Variants in DNAI1 observed in about 807,000 individuals in gnomAD.
DNAI1 encodes dynein axonemal intermediate chain 1.
In DNAI1, 67 loss-of-function variants were observed where a neutral mutation model predicts 92.0. The ratio of observed to expected loss-of-function variants is 0.73; its 90% CI spans 0.60 to 0.89. The LOEUF (loss-of-function observed/expected upper bound fraction) is 0.89, where lower values mean the gene tolerates loss of function less well. Ranked by LOEUF, DNAI1 falls within the 40% of genes least tolerant of loss-of-function variation. The pLI is 0.00. For missense variants in DNAI1, 839 were observed against 866.6 expected, an observed-to-expected ratio of 0.97 and a Z score of 0.40; for synonymous variants, 323 against 319.6, an observed-to-expected ratio of 1.01 and a Z score of -0.11.
At position 34,520,689 on chromosome 9, in the gene DNAI1, C is replaced by T. The variant is rs759171136; in HGVS notation, c.2033C>T (p.Pro678Leu). 17 of 1,551,502 alleles carry T rather than the reference C, an allele frequency of 1.1e-5. No individual in the cohort carries two copies. In the African/African-American group the frequency reaches 1.6e-4, roughly 15 times the overall value. The change falls in exon 20 of 20, where the codon CCA becomes CTA. Residue 678 changes from proline to leucine, a missense_variant. Transcript: ENST00000242317. Reference protein sequence around the residue: ...EKKGQEVQKGPAVEIAKLDKL... With the variant: ...EKKGQEVQKGLAVEIAKLDKL... ...AAGGGGCAGGAGGTGCAGAAGGGTCCAGCTGTGGAGATTGCGAAACTGGAC... is the reference window on the plus strand; with the variant it reads ...AAGGGGCAGGAGGTGCAGAAGGGTCTAGCTGTGGAGATTGCGAAACTGGAC...
At chr9:34,468,883 T>TA (rs1588088622) in intron 1 of DNAI1, among the ~76,000 whole-genome samples, 1 of 151,574 alleles carries the variant, frequency 6.6e-6, no homozygotes, top group Non-Finnish European at 1.5e-5. Flanking sequence ...GAGGCTCCAC[T>TA]AAAAAATAAT....
chr9:34,474,868 G>A (rs1247121817), intron 1 of DNAI1, among the ~76,000 whole-genome samples: 1 of 152,034 alleles, frequency 6.6e-6, no homozygotes, highest in Non-Finnish European at 1.5e-5. Flanking sequence ...TGTCCGGCAA[G>A]GTGTGAATAT....
In DNAI1 at chr9:34,506,755, C is replaced by T; in HGVS notation, c.1192C>T (p.Leu398=). 6.2e-7 allele frequency: 1 copy of T among 1,614,194 alleles called. No individual in the cohort carries two copies. Among genetic ancestry groups the T allele is most frequent in the South Asian group, 1.1e-5 (1 of 91,090 alleles). The part of the protein sequence containing the change: ...CLDIHVDHPY[L]VAVGHYDGNV... ...CGACATCCACGTGGACCACCCCTAC[C>T]TGGTGGCAGTAGGCCACTATGACGG... The change falls in exon 13 of 20, where the codon CTG becomes TTG. Residue 398 remains leucine (L), a synonymous_variant. Transcript: ENST00000242317.
At chr9:34,469,880 C>T (rs1354370234) in intron 1 of DNAI1, among the ~76,000 whole-genome samples, 1 of 152,114 alleles carries the variant, frequency 6.6e-6, no homozygotes, top group Non-Finnish European at 1.5e-5. Context: ...GCGCCCAGCC[C>T]TTCTATTAAT....
intron 10 of DNAI1, 80 bp from the exon 11 acceptor site, chr9:34,500,642 A>C: frequency 1.1e-6 from 1 of 898,490 alleles, no homozygotes; most frequent in African/African-American, 1.6e-5. Context: ...TTGCCCAAGG[A>C]GGTACAGACA....
Position 34,514,720 on chromosome 9 carries a change from C to T in DNAI1, c.1799C>T (p.Ala600Val), listed in dbSNP as rs748529005. 6.2e-7 allele frequency: 1 copy of T among 1,614,096 alleles called. No individual in the cohort carries two copies. ...WAPYSSTVFAAVTTDGKAHIF... is the reference protein window; with the variant it reads ...WAPYSSTVFAVVTTDGKAHIF... ...CCATACTCTTCTACTGTGTTCGCAG[C>T]AGTCACCACAGATGGGAAGGTGAGT... Residue 600 changes from alanine to valine, a missense_variant, in exon 18 of 20, where the codon GCA (alanine) becomes GTA (valine). Ala to Val is a moderately conservative substitution (Grantham distance 64). Coordinates refer to ENST00000242317, the MANE Select transcript of DNAI1 (RefSeq NM_012144.4).
At chr9:34,514,087 C>T (rs1825124271) in intron 16 of DNAI1, among the ~76,000 whole-genome samples, 1 of 152,172 alleles carries the variant, frequency 6.6e-6, no homozygotes, top group Non-Finnish European at 1.5e-5. Context: ...CCTGCTCTGC[C>T]CTCTCTTAAG....
At chr9:34,504,719 T>C (rs117610437) in intron 12 of DNAI1, among the ~76,000 whole-genome samples, 7,564 of 152,348 alleles carry the variant, frequency 0.05, 274 homozygotes, top group Non-Finnish European at 0.065. Flanking sequence ...CTGGAGAGGC[T>C]GAGCCCAGCT....
intron 1 of DNAI1, among the ~76,000 whole-genome samples, chr9:34,462,818 G>C (rs1014445384): frequency 1.3e-5 from 2 of 152,166 alleles, no homozygotes; most frequent in Non-Finnish European, 2.9e-5. Context: ...ATATTGATGT[G>C]TAAATATTCA....
intron 13 of DNAI1, among the ~76,000 whole-genome samples, chr9:34,509,894 C>T (rs368927638): frequency 2.3e-5 from 3 of 132,152 alleles, no homozygotes; most frequent in South Asian, 2.5e-4. Flanking sequence ...AGCGAGACTC[C>T]GTCTCAAAAA....
chr9:34,499,792 G>A (rs1210690006), intron 10 of DNAI1, among the ~76,000 whole-genome samples: 1 of 152,182 alleles, frequency 6.6e-6, no homozygotes, highest in Non-Finnish European at 1.5e-5. Context: ...ATATGGAGGG[G>A]ACACGGACAG....
At position 34,459,009 on chromosome 9, in the gene DNAI1, A is replaced by G. The variant is rs1823881360; in HGVS notation, c.4A>G (p.Ile2Val). The G allele has an allele frequency of 6.2e-7, 1 of 1,614,040 alleles. No individual in the cohort carries two copies. The highest frequency in any genetic ancestry group is 1.1e-5 in the South Asian group (1 of 91,086). ...TGTAGGCTCTCCAGGGGTTGAGATG[A>G]TTCCTGCTTCTGCGAAGGCTCCCCA... is the stretch of plus-strand genomic sequence containing the variant. M[I>V]PASAKAPHKQ... Residue 2 changes from isoleucine (I) to valine (V), a missense_variant, in exon 1 of 20, where the codon ATT (isoleucine) becomes GTT (valine). By Grantham distance (29) the Ile-to-Val change is conservative (BLOSUM62 3). Coordinates refer to ENST00000242317, the MANE Select transcript of DNAI1 (RefSeq NM_012144.4).
chr9:34,502,134 C>T (rs550282473), intron 12 of DNAI1, among the ~76,000 whole-genome samples: 3 of 152,312 alleles, frequency 2.0e-5, no homozygotes, highest in Admixed American at 2.0e-4. Context: ...CCTCAGACTG[C>T]CTGTCCACCC....
chr9:34,494,371 A>G (rs1055718603), intron 9 of DNAI1, among the ~76,000 whole-genome samples: 1 of 152,160 alleles, frequency 6.6e-6, no homozygotes, highest in Non-Finnish European at 1.5e-5. Flanking sequence ...GTCACTGACC[A>G]AGTACCTAGT....
chr9:34,500,498 A>G (rs956031542), intron 10 of DNAI1, among the ~76,000 whole-genome samples: 6 of 152,200 alleles, frequency 3.9e-5, no homozygotes, highest in Non-Finnish European at 7.3e-5. Context: ...ACAATGGCTA[A>G]CACATAGAGC....
chr9:34,476,181 G>A (rs750986287), intron 1 of DNAI1, among the ~76,000 whole-genome samples: 1 of 152,160 alleles, frequency 6.6e-6, no homozygotes, highest in Non-Finnish European at 1.5e-5. Context: ...AGCTATTAGT[G>A]AGTGCTCACT....
At chr9:34,503,134 C>T (rs569538802) in intron 12 of DNAI1, among the ~76,000 whole-genome samples, 28 of 152,292 alleles carry the variant, frequency 1.8e-4, no homozygotes, top group African/African-American at 6.5e-4. Flanking sequence ...TTGTCACTGG[C>T]TCTGGGGTTG....
At chr9:34,459,704 C>A (rs1823908668) in intron 1 of DNAI1, among the ~76,000 whole-genome samples, 1 of 152,248 alleles carries the variant, frequency 6.6e-6, no homozygotes, top group South Asian at 2.1e-4. Context: ...CCTTGACCTT[C>A]CGAAGTGCTG....
rs1022431793 is a variant in DNAI1 at position 34,493,205 on chromosome 9, T to C, written c.693T>C (p.Tyr231=). 6.2e-7 allele frequency: 1 copy of C among 1,614,180 alleles called. No individual in the cohort carries two copies. Among genetic ancestry groups the C allele is most frequent in the Admixed American group, 1.7e-5 (1 of 60,022 alleles). The change falls in exon 9 of 20, where the codon TAT becomes TAC. Residue 231 remains tyrosine, a synonymous_variant. Coordinates refer to ENST00000242317, the MANE Select transcript of DNAI1 (RefSeq NM_012144.4). The stretch of plus-strand genomic sequence containing the variant: ...TCACCCTTGCCTAGTGGGAGATCTA[T>C]GATGCCTATGTAGAGGAACTTGAGA... ...FSATANQWEI[Y]DAYVEELEKQ...
Sources: allele counts gnomAD v4.1 joint callset (sites outside exome capture counted in the v4.1 genomes callset), GRCh38; gene constraint gnomAD v4.1.1; transcripts MANE v1.5; gene names NCBI Gene and HGNC (gene_info 2026-07-23, HGNC 2026-07-21).